TVP23C: variants seen among roughly 807,000 people sequenced by gnomAD.
The protein encoded by TVP23C is Golgi apparatus membrane protein TVP23 homolog C.
A neutral mutation model predicts 28.7 loss-of-function variants in TVP23C; 19 were observed. That is an observed-to-expected ratio of 0.66 (90% confidence interval 0.46 to 0.97). The LOEUF (loss-of-function observed/expected upper bound fraction) is 0.97. TVP23C is among the 50% of genes least tolerant of loss of function. The pLI, the probability that TVP23C is intolerant of heterozygous loss-of-function variation, is 0.00. For synonymous variants in TVP23C, 68 were observed against 81.7 expected (o/e 0.83, Z 0.90); for missense variants, 186 against 241.3 (o/e 0.77, Z 1.52).
At chr17:15,552,284 A>G (rs919680727) in intron 3 of TVP23C, among the ~76,000 whole-genome samples, 3 of 152,230 alleles carry the variant, frequency 2.0e-5, no homozygotes, top group Non-Finnish European at 4.4e-5. Context: ...AGACTGGACA[A>G]AAGAAAAACC....
chr17:15,510,737 C>T (rs1047535129), intron 5 of TVP23C, among the ~76,000 whole-genome samples: 1 of 152,134 alleles, frequency 6.6e-6, no homozygotes, highest in Non-Finnish European at 1.5e-5. Flanking sequence ...AACAGAAAAG[C>T]AGTTATCACT....
At chr17:15,522,893 T>C (rs1484871291) in intron 5 of TVP23C, among the ~76,000 whole-genome samples, 1 of 151,954 alleles carries the variant, frequency 6.6e-6, no homozygotes, top group Non-Finnish European at 1.5e-5. Context: ...TATACACAAA[T>C]TAGCCAGGCA....
chr17:15,529,190 GC>G (rs1982849163), intron 5 of TVP23C, among the ~76,000 whole-genome samples: 1 of 151,978 alleles, frequency 6.6e-6, no homozygotes, highest in Admixed American at 6.6e-5. Flanking sequence ...AGAGGCTCAC[GC>G]CTGTAATCCC....
At chr17:15,511,349 A>G (rs867385330) in intron 5 of TVP23C, among the ~76,000 whole-genome samples, 5 of 152,312 alleles carry the variant, frequency 3.3e-5, no homozygotes, top group Admixed American at 6.5e-5. Flanking sequence ...TTTCACTCCC[A>G]TGTGTCACCA....
downstream of TVP23C, among the ~76,000 whole-genome samples, chr17:15,535,551 G>C (rs1983120117): frequency 6.6e-6 from 1 of 151,790 alleles, no homozygotes; most frequent in Non-Finnish European, 1.5e-5. Flanking sequence ...CCAAATTCCT[G>C]TCCCACACAA....
In TVP23C at chr17:15,546,700, C is replaced by A. The variant is rs1983661604; in HGVS notation, c.330+359G>T. ...CAGAAATGAAAGACGACCACAGGAG[C>A]AAAGACAGAACAAGATGTTAAAAGC... On this transcript the variant is annotated intron_variant, in intron 4 of 5. Coordinates refer to ENST00000518321, the MANE Select transcript of TVP23C (RefSeq NM_001135036.2). Among the ~76,000 whole-genome samples the A allele has an allele frequency of 2.0e-5, 3 of 147,210 alleles. No homozygotes were observed. The South Asian group carries it at 6.6e-4, about 32-fold the overall frequency.
intron 5 of TVP23C, among the ~76,000 whole-genome samples, chr17:15,518,323 G>T (rs1328822209): frequency 6.6e-6 from 1 of 152,138 alleles, no homozygotes; most frequent in East Asian, 1.9e-4. Context: ...ACCCTATATG[G>T]TTGCAATGCT....
exon 6 of TVP23C, chr17:15,503,217 T>A (rs1443481946): frequency 6.5e-7 from 1 of 1,536,396 alleles, no homozygotes; most frequent in Non-Finnish European, 8.8e-7. Flanking sequence ...GTCTGGGCAA[T>A]GTGGCGAGAC....
intron 5 of TVP23C, among the ~76,000 whole-genome samples, chr17:15,541,719 C>T (rs1418886722): frequency 6.6e-6 from 1 of 152,124 alleles, no homozygotes; most frequent in African/African-American, 2.4e-5. Context: ...CTGTTCTAAA[C>T]TTATGTTTCA....
downstream of TVP23C, among the ~76,000 whole-genome samples, chr17:15,532,511 G>A (rs1982989276): frequency 6.6e-6 from 1 of 152,224 alleles, no homozygotes; most frequent in African/African-American, 2.4e-5. Context: ...CTACTGTGGA[G>A]CTGAGAAGAA....
chr17:15,560,062 T>A (rs1984310040), intron 1 of TVP23C, among the ~76,000 whole-genome samples: 1 of 149,006 alleles, frequency 6.7e-6, no homozygotes, highest in Non-Finnish European at 1.5e-5. Context: ...ACCACTGTAT[T>A]TTTTTTTCTT....
At chr17:15,519,329 A>T (rs1167013985) in intron 5 of TVP23C, among the ~76,000 whole-genome samples, 1 of 152,118 alleles carries the variant, frequency 6.6e-6, no homozygotes, top group Non-Finnish European at 1.5e-5. Flanking sequence ...AATACAAGCC[A>T]AGCATGGTGG....
chr17:15,543,914 A>G (rs868615361), intron 5 of TVP23C, among the ~76,000 whole-genome samples: 2,736 of 150,974 alleles, frequency 0.018, 66 homozygotes, highest in African/African-American at 0.063. Flanking sequence ...ACTTCAAAAT[A>G]AAAGGTCAAA....
At chr17:15,507,451 T>G in intron 5 of TVP23C, 1 of 475,326 alleles carries the variant, frequency 2.1e-6, no homozygotes, top group South Asian at 2.3e-5. Context: ...CTGTCATCTT[T>G]GTGTTCTTGC....
chr17:15,543,773 C>T (rs538066155), intron 5 of TVP23C, among the ~76,000 whole-genome samples: 1 of 151,720 alleles, frequency 6.6e-6, no homozygotes, highest in East Asian at 1.9e-4. Context: ...CCCCCTGTGT[C>T]CCCAGACAGC....
Position 15,538,245 on chromosome 17 carries a change from T to C in TVP23C, c.*2167A>G. 1.2e-6 allele frequency: 2 copies of C among 1,600,910 alleles called. No homozygotes were observed. The highest frequency in any genetic ancestry group is 8.5e-7 in the Non-Finnish European group (1 of 1,174,134). Reference sequence around the variant, plus strand: ...GGCCTAGGCCTAGGAAAACATTCTATATTTCTAAGCAGAGCATTACCTTAC... The same window carrying C: ...GGCCTAGGCCTAGGAAAACATTCTACATTTCTAAGCAGAGCATTACCTTAC... On this transcript the variant is annotated 3_prime_UTR_variant, in exon 6 of 6. Transcript: ENST00000518321.
chr17:15,522,361 A>G lies in TVP23C; in HGVS notation c.463-19129T>C, dbSNP rs144056031. On this transcript the variant is annotated intron_variant, in intron 5 of 5. Transcript: ENST00000225576. ...AAGTGAGATAAGACATTCACAATAT[A>G]TATCAGTGGCAAAGAATTAGCATTC... Among the ~76,000 whole-genome samples the G allele has an allele frequency of 1.3e-3, 198 of 152,340 alleles. 1 individual carries two copies. The highest frequency in any genetic ancestry group is 2.4e-3 in the Non-Finnish European group (161 of 68,030).
At chr17:15,561,412 A>G (rs937181887) in intron 1 of TVP23C, among the ~76,000 whole-genome samples, 26 of 152,274 alleles carry the variant, frequency 1.7e-4, no homozygotes, top group East Asian at 1.2e-3. Context: ...CAGCCTGGTT[A>G]ATATGGTGAA....
At chr17:15,542,952 C>G (rs1368381910) in intron 5 of TVP23C, among the ~76,000 whole-genome samples, 1 of 152,166 alleles carries the variant, frequency 6.6e-6, no homozygotes, top group Admixed American at 6.5e-5. Flanking sequence ...TTTCACATAA[C>G]CTCTCCCTGT....
Sources: allele counts gnomAD v4.1 joint callset (sites outside exome capture counted in the v4.1 genomes callset), GRCh38; gene constraint gnomAD v4.1.1; transcripts MANE v1.5; gene names NCBI Gene and HGNC (gene_info 2026-07-23, HGNC 2026-07-21).